RPL23A: variants seen among roughly 807,000 people sequenced by gnomAD.
RPL23A encodes the protein large ribosomal subunit protein uL23.
Under a neutral mutation model 17.6 loss-of-function variants are expected in RPL23A, and 2 were observed. The ratio of observed to expected loss-of-function variants is 0.11; its 90% CI spans 0.05 to 0.36. RPL23A has a LOEUF of 0.36. Ranked by LOEUF, RPL23A falls within the 10% of genes least tolerant of loss-of-function variation. The pLI is 1.00. For missense variants in RPL23A, 132 were observed against 194.4 expected (o/e 0.68, Z 1.91); for synonymous variants, 65 against 74.3 (o/e 0.87, Z 0.65).
intron 1 of RPL23A, chr17:28,720,315 A>G (rs937027054): frequency 6.4e-6 from 10 of 1,550,428 alleles, no homozygotes; most frequent in African/African-American, 4.1e-5. Flanking sequence ...TTGGAGCTCC[A>G]TGTCCCCGGG....
chr17:28,722,261 AAAG>A, intron 2 of RPL23A: 1 of 242,864 alleles, frequency 4.1e-6, no homozygotes, highest in East Asian at 9.5e-5. Context: ...AAAAAAAAAA[AAAG>A]GAATTTGCCC....
chr17:28,720,345 C>T (rs1036561690), intron 1 of RPL23A: 19 of 1,551,860 alleles, frequency 1.2e-5, no homozygotes, highest in Non-Finnish European at 1.4e-5. Context: ...AATTAGTGCC[C>T]TCAGCTTTAA....
chr17:28,721,050 A>T (rs2034105460), intron 2 of RPL23A, 160 bp downstream of exon 2: 1 of 696,228 alleles, frequency 1.4e-6, no homozygotes, highest in Non-Finnish European at 2.4e-6. Context: ...CATTTACAAA[A>T]CTGGCAGGAT....
chr17:28,720,489 C>T lies in RPL23A; in HGVS notation c.26-218C>T, dbSNP rs1597795302. The stretch of plus-strand genomic sequence containing the variant: ...AGTATCAAGCGTTCATTCAGTGCTA[C>T]TTTGTTTCATAGTCGTATCCCTGGA... On this transcript the variant is annotated intron_variant, in intron 1 of 4. Coordinates refer to ENST00000422514, the MANE Select transcript of RPL23A (RefSeq NM_000984.6). The T allele has an allele frequency of 5.7e-6, 9 of 1,584,914 alleles. No individual in the cohort carries two copies. The East Asian group carries it at 8.9e-5, about 16-fold the overall frequency.
rs539944052 is a variant in RPL23A, at chr17:28,720,233, G to C, written c.25+203G>C. On this transcript the variant is annotated intron_variant, in intron 1 of 4. Coordinates refer to ENST00000422514, the MANE Select transcript of RPL23A (RefSeq NM_000984.6). The stretch of plus-strand genomic sequence containing the variant: ...GTTCCGGTAGAGGGAGTTGGGGGGG[G>C]GCAACGCGGCAGGCATCATCCGCCA... 2.0e-3 allele frequency: 3,029 copies of C among 1,539,204 alleles called. 79 individuals are homozygous for C. In the South Asian group the frequency reaches 0.033, roughly 17 times the overall value.
At chr17:28,720,056 C>T in intron 1 of RPL23A, 26 bp downstream of exon 1, 1 of 1,551,164 alleles carries the variant, frequency 6.4e-7, no homozygotes, top group Non-Finnish European at 8.7e-7. Flanking sequence ...GGGGCCGCAG[C>T]TGGTTTACCG....
chr17:28,721,158 G>C lies in RPL23A; in HGVS notation c.209+268G>C, dbSNP rs557622859. 2.2e-3 allele frequency: 739 copies of C among 343,124 alleles called. 16 individuals are homozygous for C. Among genetic ancestry groups the C allele is most frequent in the South Asian group, 0.019 (707 of 36,692 alleles). 21.3% of individuals were successfully genotyped at this position (343,124 alleles called of 1,614,324 possible). A position where few individuals can be genotyped will look rare whatever the true frequency, so the allele number is the denominator to read the frequency against. Reference sequence around the variant, plus strand: ...ACTTGAGGTCAGGGGTTCGAGACCAGCCTGAGTGACATGGAGAAACCCCGC... The same window carrying C: ...ACTTGAGGTCAGGGGTTCGAGACCACCCTGAGTGACATGGAGAAACCCCGC... On this transcript the variant is annotated intron_variant, in intron 2 of 4. Coordinates refer to ENST00000422514, the MANE Select transcript of RPL23A (RefSeq NM_000984.6).
intron 2 of RPL23A, chr17:28,721,439 G>T (rs75185732): frequency 1.3e-5 from 2 of 156,708 alleles, no homozygotes; most frequent in African/African-American, 2.4e-5. Context: ...ACTTATTTTG[G>T]GGGGAGTATA....
intron 3 of RPL23A, 187 bp from the exon 4 acceptor site, chr17:28,723,384 T>C (rs539084116): frequency 3.5e-5 from 27 of 764,260 alleles, no homozygotes; most frequent in Non-Finnish European, 6.0e-5. Flanking sequence ...TGGCCTGTGG[T>C]GTTTCCCATA....
In RPL23A at chr17:28,720,323, G is replaced by A. The variant is rs113797834; in HGVS notation, c.25+293G>A. The A allele has an allele frequency of 9.6e-3, 14,851 of 1,550,762 alleles. 119 individuals are homozygous for A. Among genetic ancestry groups the A allele is most frequent in the Middle Eastern group, 0.011 (63 of 5,992 alleles). ...CCACTGGTTGGAGCTCCATGTCCCC[G>A]GGCCTGTAAGGAATTAGTGCCCTCA... On this transcript the variant is annotated intron_variant, in intron 1 of 4. Coordinates refer to ENST00000422514, the MANE Select transcript of RPL23A (RefSeq NM_000984.6).
Position 28,720,486 on chromosome 17 carries a change from C to T in RPL23A, c.26-221C>T, listed in dbSNP as rs2034094926. ...GAAAGTATCAAGCGTTCATTCAGTG[C>T]TACTTTGTTTCATAGTCGTATCCCT... On this transcript the variant is annotated intron_variant, in intron 1 of 4. Coordinates refer to ENST00000422514, the MANE Select transcript of RPL23A (RefSeq NM_000984.6). 7 of 1,584,734 alleles carry T rather than the reference C, an allele frequency of 4.4e-6. No homozygotes were observed. The South Asian group carries it at 4.4e-5, about 10-fold the overall frequency.
intron 1 of RPL23A, 24 bp downstream of exon 1, chr17:28,720,054 A>C (rs2034071117): frequency 7.1e-6 from 11 of 1,551,258 alleles, no homozygotes; most frequent in Non-Finnish European, 7.0e-6. Flanking sequence ...ATGGGGCCGC[A>C]GCTGGTTTAC....
intron 2 of RPL23A, 45 bp downstream of exon 2, chr17:28,720,935 C>T (rs2034103300): frequency 6.5e-7 from 1 of 1,541,612 alleles, no homozygotes; most frequent in Non-Finnish European, 8.9e-7. Flanking sequence ...GGGTATTCTC[C>T]ATTGGTAATT....
chr17:28,720,230 G>C (rs754030643), intron 1 of RPL23A, 200 bp downstream of exon 1: 3 of 1,539,060 alleles, frequency 1.9e-6, no homozygotes, highest in Admixed American at 2.0e-5. Context: ...GGAGTTGGGG[G>C]GGGGCAACGC....
chr17:28,722,098 T>G (rs575896456), intron 2 of RPL23A, among the ~76,000 whole-genome samples: 2 of 151,042 alleles, frequency 1.3e-5, no homozygotes, highest in East Asian at 3.9e-4. Flanking sequence ...ACAAAAAAAA[T>G]TAGCCGGGCG....
chr17:28,723,448 CATT>C (rs1298681405), intron 3 of RPL23A, 120 bp from the exon 4 acceptor site: 2 of 818,744 alleles, frequency 2.4e-6, no homozygotes, highest in African/African-American at 1.7e-5. Context: ...ATGGAAAAAT[CATT>C]ATTGGAAAAG....
rs540280753 is a variant in RPL23A at position 28,722,966 on chromosome 17, T to C, written c.386+67T>C. On this transcript the variant is annotated intron_variant, in intron 3 of 4. Transcript: ENST00000422514. ...AGTCTGGAGCCAAAAAAACCTGCAT[T>C]CCATGAAGCTTTTTGATGTTTAGGT... 473 of 1,285,706 alleles carry C rather than the reference T, an allele frequency of 3.7e-4. 1 individual carries two copies. The highest frequency in any genetic ancestry group is 7.3e-4 in the Middle Eastern group (4 of 5,456). The allele number at this position is 1,285,706 out of a possible 1,614,324, so 79.6% of individuals were successfully genotyped here. A position where few individuals can be genotyped will look rare whatever the true frequency, so the allele number is the denominator to read the frequency against.
intron 1 of RPL23A, 119 bp from the exon 2 acceptor site, chr17:28,720,588 T>C (rs1157799183): frequency 7.2e-7 from 1 of 1,381,768 alleles, no homozygotes; most frequent in Non-Finnish European, 1.0e-6. Context: ...CTGACACTTG[T>C]GATGTCTTCA....
intron 3 of RPL23A, chr17:28,723,354 C>T (rs1225627625): frequency 1.3e-5 from 10 of 746,368 alleles, no homozygotes; most frequent in Non-Finnish European, 2.2e-5. Flanking sequence ...TGGCAGATTA[C>T]CTTGGTTTAA....
Sources: gnomAD v4.1 joint callset for allele counts (sites outside exome capture counted in the v4.1 genomes callset) on GRCh38, gnomAD v4.1.1 for gene constraint, MANE v1.5 for transcripts, NCBI Gene and HGNC (gene_info 2026-07-23, HGNC 2026-07-21) for gene names.